FANCD2: variants seen among roughly 807,000 people sequenced by gnomAD.
FANCD2 encodes the protein Fanconi anemia group D2 protein.
Under a neutral mutation model 192.3 loss-of-function variants are expected in FANCD2, and 131 were observed. The observed-to-expected ratio is 0.68, with a 90% CI of 0.59 to 0.79. The LOEUF is 0.79. Among genes scored for constraint, FANCD2 ranks in the 30% least tolerant of loss-of-function variants. The pLI, the probability that FANCD2 is intolerant of heterozygous loss-of-function variation, is 0.00. For synonymous variants in FANCD2, 524 were observed against 612.5 expected (o/e 0.86, Z 2.13); for missense variants, 1,508 against 1,701.6 (o/e 0.89, Z 2.00).
At position 10,093,336 on chromosome 3, in the gene FANCD2, C is replaced by T. The variant is rs1455549436; in HGVS notation, c.3888+13C>T. The T allele has an allele frequency of 1.4e-5, 22 of 1,602,388 alleles. No homozygotes were observed. In the Admixed American group the frequency reaches 2.8e-4, roughly 21 times the overall value. ...TGTATGTTTGAAGGTGAGAGATTTACTGGGCCCTGTTTCATATTTATTCTT... is the reference window on the plus strand; with the variant it reads ...TGTATGTTTGAAGGTGAGAGATTTATTGGGCCCTGTTTCATATTTATTCTT... On this transcript the variant is annotated intron_variant, in intron 39 of 43. Transcript: ENST00000675286.
chr3:10,047,059 A>T (rs2087038388), intron 15 of FANCD2, among the ~76,000 whole-genome samples: 2 of 152,292 alleles, frequency 1.3e-5, no homozygotes, highest in South Asian at 4.1e-4. Flanking sequence ...AATGTAAATT[A>T]TTCAAAGTGG....
At chr3:10,034,347 A>AAATATT in intron 3 of FANCD2, 122 bp from the exon 4 acceptor site, 1 of 639,558 alleles carries the variant, frequency 1.6e-6, no homozygotes, top group Non-Finnish European at 2.8e-6. Flanking sequence ...AAAAAAAAAG[A>AAATATT]TTTGTCTCTG....
At position 10,067,234 on chromosome 3, in the gene FANCD2, C is replaced by T. The variant is rs2125038953; in HGVS notation, c.2411C>T (p.Thr804Ile). 1 of 1,612,986 alleles carries T rather than the reference C, an allele frequency of 6.2e-7. No homozygotes were observed. The highest frequency in any genetic ancestry group is 8.5e-7 in the Non-Finnish European group (1 of 1,179,020). ...REIVNAFCQE[T>I]SPEMKGKVLT... ...ATTGTAAATGCCTTCTGCCAGGAAA[C>T]ATCACCTGAGATGAAGGGGAAGGTG... The change falls in exon 26 of 44, where the codon ACA becomes ATA. Residue 804 changes from threonine (T) to isoleucine (I), a missense_variant. By Grantham distance (89) the Thr-to-Ile change is moderately conservative. This residue lies in a region of FANCD2 where 796 missense variants were observed against 879.4 expected (regional missense o/e 0.91). Transcript: ENST00000675286.
chr3:10,048,547 C>T (rs1448738682), intron 16 of FANCD2, among the ~76,000 whole-genome samples: 1 of 152,172 alleles, frequency 6.6e-6, no homozygotes, highest in Non-Finnish European at 1.5e-5. Context: ...TCAGGTGAAC[C>T]GCCTGCCTCA....
At chr3:10,095,085 A>C (rs1694872419) in intron 40 of FANCD2, 115 bp from the exon 41 acceptor site, 1 of 842,244 alleles carries the variant, frequency 1.2e-6, no homozygotes, top group Admixed American at 2.0e-5. Flanking sequence ...GATTATCAGC[A>C]TAGGCTGGAA....
rs2125106081 is a variant in FANCD2, at chr3:10,101,442, G to C, written c.*180G>C. The C allele has an allele frequency of 1.8e-6, 1 of 553,998 alleles. No individual in the cohort carries two copies. Among genetic ancestry groups the C allele is most frequent in the East Asian group, 3.0e-5 (1 of 33,070 alleles). 34.3% of individuals were successfully genotyped at this position (553,998 alleles called of 1,614,324 possible). On this transcript the variant is annotated 3_prime_UTR_variant, in exon 44 of 44. Coordinates refer to ENST00000675286, the MANE Select transcript of FANCD2 (RefSeq NM_001018115.3). ...GCTGTGTTTCCCAGGCTGGAGTGCAGTGCTGCAATCTTGGCTCACTGCAAC... is the reference window on the plus strand; with the variant it reads ...GCTGTGTTTCCCAGGCTGGAGTGCACTGCTGCAATCTTGGCTCACTGCAAC...
intron 37 of FANCD2, among the ~76,000 whole-genome samples, chr3:10,090,896 G>A (rs1023733489): frequency 2.6e-5 from 4 of 151,676 alleles, no homozygotes; most frequent in African/African-American, 9.7e-5. Context: ...TCTAGTTAGA[G>A]GTGAGGAATG....
chr3:10,098,999 C>G (rs1695147300), intron 43 of FANCD2, 184 bp downstream of exon 43: 1 of 1,613,730 alleles, frequency 6.2e-7, no homozygotes, highest in Non-Finnish European at 8.5e-7. Flanking sequence ...AACAACGACA[C>G]AATCTTAGAA....
At chr3:10,094,854 C>G in intron 40 of FANCD2, 1 of 368,058 alleles carries the variant, frequency 2.7e-6, no homozygotes, top group Non-Finnish European at 5.2e-6. Flanking sequence ...GCAAGTTGAA[C>G]AAAATACTCA....
rs1425541523 is a variant in FANCD2, at chr3:10,039,190, A to G, written c.492-89A>G. On this transcript the variant is annotated intron_variant, in intron 7 of 43. Coordinates refer to ENST00000675286, the MANE Select transcript of FANCD2 (RefSeq NM_001018115.3). ...TAGGTGTTCGGTAAATGTTAATGGA[A>G]TGGCTAAAATATTTTGTGCAGTATT... 3 of 903,534 alleles carry G rather than the reference A, an allele frequency of 3.3e-6. No individual in the cohort carries two copies. The East Asian group carries it at 7.6e-5, about 23-fold the overall frequency. 56.0% of individuals were successfully genotyped at this position (903,534 alleles called of 1,614,324 possible).
rs1411877055 is a variant in FANCD2 at position 10,085,825 on chromosome 3, C to T, written c.3238C>T (p.Gln1080Ter). 3 of 1,611,934 alleles carry T rather than the reference C, an allele frequency of 1.9e-6. No homozygotes were observed. The highest frequency in any genetic ancestry group is 1.1e-5 in the South Asian group (1 of 91,004). The change falls in exon 33 of 44, where the codon CAA becomes TAA. Residue 1080 changes from glutamine (Q) to a stop codon, truncating the protein, a stop_gained. Transcript: ENST00000675286. LOFTEE classifies it high-confidence loss of function. ...TGACTTCCTTAGGAGTGGATTTTCTCAACCTGAAAATCAGAATTTACTGTA... is the reference window on the plus strand; with the variant it reads ...TGACTTCCTTAGGAGTGGATTTTCTTAACCTGAAAATCAGAATTTACTGTA... ...HGLFAWSGFSQPENQNLLYSA... is the reference protein window; with the variant it reads ...HGLFAWSGFS
In FANCD2 at chr3:10,073,196, A is replaced by G; in HGVS notation, c.2606-57A>G. 2.8e-6 allele frequency: 4 copies of G among 1,417,114 alleles called. No individual in the cohort carries two copies. In the South Asian group the frequency reaches 4.6e-5, roughly 16 times the overall value. The allele number at this position is 1,417,114 out of a possible 1,614,324, so 87.8% of individuals were successfully genotyped here. ...CAGGTTGTTTTCTGAGGGCAATGAT[A>G]TTTGGCAAACATGATTATTAATTAC... On this transcript the variant is annotated intron_variant, in intron 27 of 43. Coordinates refer to ENST00000675286, the MANE Select transcript of FANCD2 (RefSeq NM_001018115.3).
chr3:10,086,987 G>A, intron 33 of FANCD2, 147 bp from the exon 34 acceptor site: 4 of 854,750 alleles, frequency 4.7e-6, no homozygotes, highest in African/African-American at 1.7e-5. Flanking sequence ...GCTTGAAGAG[G>A]GTTGCTACTA....
At position 10,093,268 on chromosome 3, in the gene FANCD2, G is replaced by A; in HGVS notation, c.3850-17G>A. The stretch of plus-strand genomic sequence containing the variant: ...GAGCAGATCTCAGCCTTGGTTTCTT[G>A]TCTTTCACCTCTCCAGGTATTTGAT... On this transcript the variant is annotated splice_polypyrimidine_tract_variant and intron_variant, in intron 38 of 43. Coordinates refer to ENST00000675286, the MANE Select transcript of FANCD2 (RefSeq NM_001018115.3). 6.2e-7 allele frequency: 1 copy of A among 1,611,946 alleles called. No individual in the cohort carries two copies.
chr3:10,051,380 C>CAAA (rs35760922), intron 17 of FANCD2, among the ~76,000 whole-genome samples: 111 of 8,696 alleles, frequency 0.013, 10 homozygotes, highest in South Asian at 0.032. Flanking sequence ...GACTCCGTCT[C>CAAA]AAAAAAAAAA....
intron 40 of FANCD2, 117 bp from the exon 41 acceptor site, chr3:10,095,083 G>C: frequency 1.2e-6 from 1 of 825,388 alleles, no homozygotes; most frequent in South Asian, 1.4e-5. Context: ...ATGATTATCA[G>C]CATAGGCTGG....
Position 10,087,390 on chromosome 3 carries a change from C to T in FANCD2, c.3466+126C>T, listed in dbSNP as rs942939246. On this transcript the variant is annotated intron_variant, in intron 34 of 43. Transcript: ENST00000675286. ...ATCCCCACATAACCTTGGATAGGCC[C>T]TCTTGCTATACCAAGAAGGTCATTT... 1.2e-5 allele frequency: 10 copies of T among 852,812 alleles called. No individual in the cohort carries two copies. The African/African-American group carries it at 1.7e-4, about 15-fold the overall frequency. 52.8% of individuals were successfully genotyped at this position (852,812 alleles called of 1,614,324 possible). A position where few individuals can be genotyped will look rare whatever the true frequency, so the allele number is the denominator to read the frequency against.
At chr3:10,045,144 G>A (rs1309919626) in intron 14 of FANCD2, among the ~76,000 whole-genome samples, 1 of 137,540 alleles carries the variant, frequency 7.3e-6, no homozygotes, top group Non-Finnish European at 1.6e-5. Context: ...CACGCCCAAT[G>A]TTTTCTCTTT....
intron 26 of FANCD2, 134 bp from the exon 27 acceptor site, chr3:10,072,737 A>G (rs1165480726): frequency 1.2e-5 from 8 of 688,774 alleles, no homozygotes; most frequent in Non-Finnish European, 2.2e-5. Context: ...GATGACTTGA[A>G]TATGTCTTAT....
Sources: gnomAD v4.1 joint callset for allele counts (sites outside exome capture counted in the v4.1 genomes callset) on GRCh38, gnomAD v4.1.1 for gene constraint, gnomAD v4.1.1 regional missense constraint, MANE v1.5 for transcripts, NCBI Gene and HGNC (gene_info 2026-07-23, HGNC 2026-07-21) for gene names.